The following DTD1 variants were observed in gnomAD, a reference collection of about 807,000 sequenced individuals.
The protein encoded by DTD1 is D-tyrosyl-tRNA deacylase 1 homolog.
DTD1 carries 13 observed loss-of-function variants against 25.6 expected under a neutral mutation model. The observed-to-expected ratio is 0.51, with a 90% CI of 0.33 to 0.81. The LOEUF (loss-of-function observed/expected upper bound fraction) is 0.81. DTD1 is among the 30% of genes least tolerant of loss of function. DTD1 has a pLI of 0.02. For missense variants in DTD1, 193 were observed against 266.4 expected (o/e 0.72, Z 1.92); for synonymous variants, 110 against 103.6 (o/e 1.06, Z -0.37).
intron 4 of DTD1, among the ~76,000 whole-genome samples, chr20:18,649,175 C>G (rs903971232): frequency 6.6e-6 from 1 of 151,594 alleles, no homozygotes; most frequent in African/African-American, 2.4e-5. Context: ...TTGTTCAGTT[C>G]ACTGATGAGT....
At chr20:18,669,768 G>T (rs952777840) in intron 4 of DTD1, among the ~76,000 whole-genome samples, 1 of 152,142 alleles carries the variant, frequency 6.6e-6, no homozygotes, top group Non-Finnish European at 1.5e-5. Flanking sequence ...TCCCGGGGGG[G>T]TCTGCATGCC....
At chr20:18,705,065 A>G (rs1187558109) in intron 4 of DTD1, among the ~76,000 whole-genome samples, 7 of 152,188 alleles carry the variant, frequency 4.6e-5, no homozygotes, top group Non-Finnish European at 1.0e-4. Flanking sequence ...CACATTTCTT[A>G]TGCTTGACAG....
At chr20:18,590,166 A>T (rs1471275740) in intron 1 of DTD1, among the ~76,000 whole-genome samples, 2 of 151,934 alleles carry the variant, frequency 1.3e-5, no homozygotes, top group Non-Finnish European at 2.9e-5. Context: ...ATTTATTTTA[A>T]ATTTATGCAT....
chr20:18,660,997 A>G (rs2060907594), intron 4 of DTD1, among the ~76,000 whole-genome samples: 1 of 152,096 alleles, frequency 6.6e-6, no homozygotes, highest in South Asian at 2.1e-4. Context: ...GCTTCTATAG[A>G]TGTCTTGTTG....
chr20:18,761,184 G>T (rs896917917), intron 5 of DTD1, among the ~76,000 whole-genome samples: 7 of 152,094 alleles, frequency 4.6e-5, no homozygotes, highest in Admixed American at 4.6e-4. Context: ...TGCGCTTCCC[G>T]GGCGAGGCGA....
chr20:18,673,405 G>GGGA (rs1471766137), intron 4 of DTD1, among the ~76,000 whole-genome samples: 2 of 152,136 alleles, frequency 1.3e-5, no homozygotes, highest in East Asian at 3.9e-4. Context: ...GAGAGGGAAT[G>GGGA]GGAGGGACTT....
chr20:18,698,163 C>T (rs1052867456), intron 4 of DTD1, among the ~76,000 whole-genome samples: 1 of 152,168 alleles, frequency 6.6e-6, no homozygotes, highest in Non-Finnish European at 1.5e-5. Context: ...CTAGGATCTG[C>T]TGATGTATAT....
At chr20:18,688,318 A>G (rs1004962964) in intron 4 of DTD1, among the ~76,000 whole-genome samples, 6 of 152,208 alleles carry the variant, frequency 3.9e-5, no homozygotes, top group African/African-American at 1.2e-4. Flanking sequence ...TCAGGCAGAC[A>G]TTTTTGAAAT....
chr20:18,704,965 AT>A (rs2061120482), intron 4 of DTD1, among the ~76,000 whole-genome samples: 2 of 152,136 alleles, frequency 1.3e-5, no homozygotes, highest in Admixed American at 1.3e-4. Flanking sequence ...GTTAAGGTAG[AT>A]TATCTGACCT....
At chr20:18,725,636 A>G (rs2061220315) in intron 4 of DTD1, among the ~76,000 whole-genome samples, 1 of 152,102 alleles carries the variant, frequency 6.6e-6, no homozygotes, top group South Asian at 2.1e-4. Context: ...AGATGCTGTA[A>G]TAGCCTCACT....
intron 4 of DTD1, chr20:18,632,478 A>G: frequency 2.0e-6 from 2 of 985,450 alleles, no homozygotes; most frequent in South Asian, 9.4e-5. Flanking sequence ...CTTCTGAATT[A>G]GAAGGAGTTT....
intron 4 of DTD1, chr20:18,630,551 AC>A (rs2060782355): frequency 6.6e-6 from 1 of 150,630 alleles, no homozygotes; most frequent in East Asian, 1.9e-4. Context: ...TTTAGTAGAG[AC>A]GGGGTTTTAC....
intron 4 of DTD1, among the ~76,000 whole-genome samples, chr20:18,662,654 C>T (rs1210710809): frequency 1.3e-5 from 2 of 152,206 alleles, no homozygotes; most frequent in Non-Finnish European, 2.9e-5. Flanking sequence ...GTGTAGAATA[C>T]TGTGCGCCAG....
chr20:18,758,788 A>G (rs904146663), intron 5 of DTD1, among the ~76,000 whole-genome samples: 1 of 152,102 alleles, frequency 6.6e-6, no homozygotes, highest in Non-Finnish European at 1.5e-5. Flanking sequence ...TATTAGGTCC[A>G]CTTGGTGCAG....
At chr20:18,627,126 A>G (rs908436139) in intron 3 of DTD1, among the ~76,000 whole-genome samples, 1 of 152,220 alleles carries the variant, frequency 6.6e-6, no homozygotes, top group Admixed American at 6.5e-5. Flanking sequence ...TCTTGCTTAT[A>G]AACATGGCCA....
chr20:18,593,713 C>G lies in DTD1; in HGVS notation c.44-18C>G. On this transcript the variant is annotated intron_variant, in intron 1 of 5. Coordinates refer to ENST00000377452, the MANE Select transcript of DTD1 (RefSeq NM_080820.6). ...TGTTTGGTTCTGAGTTCTTCTCTCC[C>G]TTTTGGTTCCTTTCTAGTTGGAGGA... 4 of 1,604,952 alleles carry G rather than the reference C, an allele frequency of 2.5e-6. No individual in the cohort carries two copies. The highest frequency in any genetic ancestry group is 3.4e-6 in the Non-Finnish European group (4 of 1,171,904).
At chr20:18,639,429 T>C (rs142996672) in intron 4 of DTD1, among the ~76,000 whole-genome samples, 1 of 152,302 alleles carries the variant, frequency 6.6e-6, no homozygotes, top group Non-Finnish European at 1.5e-5. Context: ...GAAAGATTTA[T>C]TTTTGGAAAA....
At chr20:18,748,377 A>G (rs1431271964) in intron 5 of DTD1, among the ~76,000 whole-genome samples, 1 of 152,170 alleles carries the variant, frequency 6.6e-6, no homozygotes, top group East Asian at 1.9e-4. Context: ...GGTTTAATCT[A>G]TGACGGGGTA....
chr20:18,618,512 T>C (rs1420244819), intron 3 of DTD1, among the ~76,000 whole-genome samples: 8 of 150,018 alleles, frequency 5.3e-5, no homozygotes, highest in African/African-American at 2.0e-4. Context: ...GTTCCACCAT[T>C]CCCAGCTAAT....
Sources: gnomAD v4.1 joint callset for allele counts (sites outside exome capture counted in the v4.1 genomes callset) on GRCh38, gnomAD v4.1.1 for gene constraint, MANE v1.5 for transcripts, NCBI Gene and HGNC (gene_info 2026-07-23, HGNC 2026-07-21) for gene names.